Variants in GARIN1B observed in about 807,000 individuals in gnomAD.
GARIN1B encodes Golgi-associated RAB2 interactor protein 1B.
At chr7:128,728,880 G>A in the GARIN1B span, among the ~76,000 whole-genome samples, 12 of 152,134 alleles carry the variant, frequency 7.9e-5, no homozygotes. Flanking sequence ...GTTTTCTCAT[G>A]TTATGCGACT....
the GARIN1B span, chr7:128,714,272 T>C: frequency 1.1e-6 from 1 of 907,436 alleles, no homozygotes; most frequent in South Asian, 1.4e-5. Flanking sequence ...GGTTAATTCA[T>C]TATGTAATAA....
chr7:128,726,763 T>C, the GARIN1B span: 1 of 1,578,210 alleles, frequency 6.3e-7, no homozygotes, highest in Non-Finnish European at 8.7e-7. Flanking sequence ...AGATCTGAAA[T>C]ACAAATTTAA....
chr7:128,719,178 C>G, the GARIN1B span: 1 of 1,284,424 alleles, frequency 7.8e-7, no homozygotes, highest in Non-Finnish European at 1.1e-6. Context: ...AAGGTGATCT[C>G]AGTGTGAGGC....
At chr7:128,716,669 CT>C in the GARIN1B span, 5 of 594,698 alleles carry the variant, frequency 8.4e-6, no homozygotes, top group Admixed American at 1.7e-4. Flanking sequence ...ACTAAGCATT[CT>C]TTAGTGTGCA....
chr7:128,726,241 T>G, the GARIN1B span, among the ~76,000 whole-genome samples: 1 of 152,186 alleles, frequency 6.6e-6, no homozygotes, highest in Non-Finnish European at 1.5e-5. Context: ...GCCTGACAGT[T>G]AATTTGAAGG....
the GARIN1B span, chr7:128,719,167 G>A: frequency 6.9e-7 from 1 of 1,443,822 alleles, no homozygotes; most frequent in African/African-American, 1.4e-5. Flanking sequence ...AGTGCCCTAT[G>A]AAGGTGATCT....
the GARIN1B span, among the ~76,000 whole-genome samples, chr7:128,729,050 A>T: frequency 6.6e-6 from 1 of 152,188 alleles, no homozygotes; most frequent in Non-Finnish European, 1.5e-5. Flanking sequence ...AAACAGCTAG[A>T]ATTTTAGGGT....
chr7:128,715,723 G>A, the GARIN1B span: 7 of 1,556,478 alleles, frequency 4.5e-6, no homozygotes, highest in African/African-American at 9.5e-5. Context: ...AGCACTCTTT[G>A]ATTCTTCGAA....
At chr7:128,712,106 T>G in the GARIN1B span, among the ~76,000 whole-genome samples, 4 of 152,180 alleles carry the variant, frequency 2.6e-5, no homozygotes, top group African/African-American at 7.2e-5. Context: ...AGCTTTGCAC[T>G]GCTTATGCAA....
At chr7:128,717,102 CA>C in the GARIN1B span, 22 of 1,060,744 alleles carry the variant, frequency 2.1e-5, no homozygotes, top group Admixed American at 2.9e-5. Context: ...ATGTCATCAG[CA>C]GTGACATTGA....
chr7:128,718,824 G>A, the GARIN1B span: 4 of 1,611,478 alleles, frequency 2.5e-6, no homozygotes, highest in South Asian at 3.3e-5. Context: ...TTCCCTGGTG[G>A]CTTCAGGATT....
chr7:128,727,439 A>G, the GARIN1B span, among the ~76,000 whole-genome samples: 2 of 152,242 alleles, frequency 1.3e-5, no homozygotes, highest in Non-Finnish European at 2.9e-5. Flanking sequence ...AGTCATAGAC[A>G]ATGAGTGCAG....
the GARIN1B span, among the ~76,000 whole-genome samples, chr7:128,719,914 G>A: frequency 1.3e-5 from 2 of 151,702 alleles, no homozygotes; most frequent in Admixed American, 1.3e-4. Context: ...TAGCCAGGCT[G>A]GTCTGGAACT....
At chr7:128,723,302 C>G in the GARIN1B span, 4 of 1,612,524 alleles carry the variant, frequency 2.5e-6, no homozygotes, top group Non-Finnish European at 2.5e-6. Flanking sequence ...CGACTTACAC[C>G]AGCAGAACCA....
the GARIN1B span, chr7:128,724,888 G>A: frequency 1.0e-5 from 13 of 1,284,124 alleles, no homozygotes; most frequent in South Asian, 8.7e-5. Context: ...CGAAGAGCTC[G>A]CAAAGACATG....
At chr7:128,726,309 C>T in the GARIN1B span, among the ~76,000 whole-genome samples, 9 of 152,132 alleles carry the variant, frequency 5.9e-5, 1 homozygote, top group Admixed American at 1.3e-4. Flanking sequence ...CTGGGCAGAT[C>T]GGAAGGATGT....
chr7:128,727,233 C>A, the GARIN1B span, among the ~76,000 whole-genome samples: 2 of 152,286 alleles, frequency 1.3e-5, no homozygotes, highest in East Asian at 3.9e-4. Context: ...GGCTCTAGGG[C>A]CACCATGTAG....
chr7:128,726,902 A>G, the GARIN1B span: 1 of 1,598,098 alleles, frequency 6.3e-7, no homozygotes, highest in Non-Finnish European at 8.6e-7. Context: ...CCATGCCTCA[A>G]AGAGCTTTCT....
At chr7:128,729,771 G>T in the GARIN1B span, 1 of 926,134 alleles carries the variant, frequency 1.1e-6, no homozygotes, top group East Asian at 2.4e-5. Context: ...GAGGATTAAA[G>T]GACCATGAAT....
Sources: gnomAD v4.1 joint callset for allele counts (sites outside exome capture counted in the v4.1 genomes callset) on GRCh38, gnomAD v4.1.1 for gene constraint, MANE v1.5 for transcripts, NCBI Gene and HGNC (gene_info 2026-07-23, HGNC 2026-07-21) for gene names.